The following GREM2 variants were observed in gnomAD, a reference collection of about 807,000 sequenced individuals.
The protein encoded by GREM2 is gremlin-2.
Under a neutral mutation model 14.2 loss-of-function variants are expected in GREM2, and 11 were observed. That is an observed-to-expected ratio of 0.78 (90% CI 0.49 to 1.28). The LOEUF is 1.28. GREM2 is among the 50% of genes most tolerant of loss of function. The probability of loss-of-function intolerance (pLI) is 0.00; values close to 1 mark genes in which losing one functional copy is unlikely to be tolerated. For synonymous variants in GREM2, 98 were observed against 97.6 expected (o/e 1.00, Z -0.02); for missense variants, 210 against 218.5 (o/e 0.96, Z 0.24).
intron 1 of GREM2, among the ~76,000 whole-genome samples, chr1:240,517,789 A>G (rs1664716843): frequency 6.6e-6 from 1 of 152,188 alleles, no homozygotes; most frequent in South Asian, 2.1e-4. Flanking sequence ...AGGCTTGGCT[A>G]TTCCAGAACT....
chr1:240,593,245 C>T (rs771976476), intron 1 of GREM2, among the ~76,000 whole-genome samples: 25 of 152,300 alleles, frequency 1.6e-4, no homozygotes, highest in Middle Eastern at 6.8e-3. Flanking sequence ...TTCTCTTGTG[C>T]TCCCCATGCA....
intron 1 of GREM2, among the ~76,000 whole-genome samples, chr1:240,572,022 C>T (rs1430409968): frequency 6.6e-6 from 1 of 152,140 alleles, no homozygotes; most frequent in Admixed American, 6.5e-5. Context: ...TTTGATTACA[C>T]CCACAGGGCC....
At chr1:240,548,547 T>C (rs946192872) in intron 1 of GREM2, among the ~76,000 whole-genome samples, 18 of 152,328 alleles carry the variant, frequency 1.2e-4, no homozygotes, top group African/African-American at 3.8e-4. Context: ...TTTTCAATTA[T>C]ATCTATAAAG....
intron 1 of GREM2, among the ~76,000 whole-genome samples, chr1:240,604,111 G>A (rs1475698084): frequency 2.6e-5 from 4 of 151,764 alleles, no homozygotes; most frequent in Admixed American, 2.6e-4. Flanking sequence ...TAAAGAACGA[G>A]CTTTCAAGTG....
chr1:240,518,885 G>T (rs996128271), intron 1 of GREM2, among the ~76,000 whole-genome samples: 2 of 152,170 alleles, frequency 1.3e-5, no homozygotes, highest in African/African-American at 4.8e-5. Flanking sequence ...TGTTTATGTT[G>T]CTTGATGAAT....
At position 240,492,304 on chromosome 1, in the gene GREM2, G is replaced by A; in HGVS notation, c.*665C>T. 1.7e-5 allele frequency: 7 copies of A among 423,194 alleles called. No individual in the cohort carries two copies. Among genetic ancestry groups the A allele is most frequent in the South Asian group, 1.0e-4 (6 of 60,300 alleles). The allele number at this position is 423,194 out of a possible 1,614,324, so 26.2% of individuals were successfully genotyped here. On this transcript the variant is annotated 3_prime_UTR_variant, in exon 2 of 2. Coordinates refer to ENST00000318160, the MANE Select transcript of GREM2 (RefSeq NM_022469.4). The stretch of plus-strand genomic sequence containing the variant: ...GAGGCGGTGGGGACTTGAGGATGGG[G>A]GATTGTGTAGCCTGCTCTGCTCGAG...
chr1:240,527,886 TA>T (rs1463853362), intron 1 of GREM2, among the ~76,000 whole-genome samples: 1 of 152,104 alleles, frequency 6.6e-6, no homozygotes, highest in African/African-American at 2.4e-5. Flanking sequence ...AACAAACAAA[TA>T]AAAAATGTAA....
intron 1 of GREM2, among the ~76,000 whole-genome samples, chr1:240,603,890 C>T (rs934760660): frequency 6.6e-6 from 1 of 151,126 alleles, no homozygotes; most frequent in Non-Finnish European, 1.5e-5. Flanking sequence ...CATGGAATAT[C>T]CAAGGAGGCT....
At chr1:240,534,775 G>C (rs1678438593) in intron 1 of GREM2, among the ~76,000 whole-genome samples, 2 of 152,108 alleles carry the variant, frequency 1.3e-5, no homozygotes, top group South Asian at 4.1e-4. Context: ...GACTAGTTAG[G>C]AGGCTACTGC....
At chr1:240,497,651 G>T (rs12137200) in intron 1 of GREM2, among the ~76,000 whole-genome samples, 43,089 of 140,796 alleles carry the variant, frequency 0.31, 7,687 homozygotes, top group East Asian at 0.46. Context: ...GAAAAAAAAA[G>T]TTTTTTTTTT....
At chr1:240,599,098 A>G (rs575332484) in intron 1 of GREM2, among the ~76,000 whole-genome samples, 1 of 152,030 alleles carries the variant, frequency 6.6e-6, no homozygotes, top group African/African-American at 2.4e-5. Context: ...GCGAAACCCG[A>G]TATCTACTAA....
intron 1 of GREM2, among the ~76,000 whole-genome samples, chr1:240,584,510 A>T (rs1035793528): frequency 6.6e-6 from 1 of 151,126 alleles, no homozygotes; most frequent in African/African-American, 2.4e-5. Context: ...AAAAAAAAAA[A>T]AAGAAGAATG....
intron 1 of GREM2, among the ~76,000 whole-genome samples, chr1:240,514,968 A>C (rs972637995): frequency 1.1e-4 from 17 of 152,068 alleles, no homozygotes; most frequent in South Asian, 2.1e-4. Context: ...ACAAACACAA[A>C]AAAAAAACTG....
intron 1 of GREM2, among the ~76,000 whole-genome samples, chr1:240,564,600 A>G (rs1308603964): frequency 6.6e-6 from 1 of 152,132 alleles, no homozygotes; most frequent in African/African-American, 2.4e-5. Context: ...CTGTACTTCC[A>G]TGAAGTCTCC....
intron 1 of GREM2, among the ~76,000 whole-genome samples, chr1:240,549,694 C>T (rs930436502): frequency 3.3e-5 from 5 of 152,084 alleles, no homozygotes; most frequent in African/African-American, 1.2e-4. Context: ...CCTGAAGCTA[C>T]GGTGATGTGC....
rs1466540101 is a variant in GREM2, at chr1:240,612,020, C to T, written c.-138G>A. 1 of 152,860 alleles carries T rather than the reference C, an allele frequency of 6.5e-6. No individual in the cohort carries two copies. Among genetic ancestry groups the T allele is most frequent in the Non-Finnish European group, 1.5e-5 (1 of 68,214 alleles). 9.5% of individuals were successfully genotyped at this position (152,860 alleles called of 1,614,324 possible). A position where few individuals can be genotyped will look rare whatever the true frequency, so the allele number is the denominator to read the frequency against. On this transcript the variant is annotated 5_prime_UTR_variant, in exon 1 of 2. Coordinates refer to ENST00000318160, the MANE Select transcript of GREM2 (RefSeq NM_022469.4). ...CCCGCCGCCGCTTTCAGTTCGACCGCAGCCAGACTGCAGCAGACGCCCATA... is the reference window on the plus strand; with the variant it reads ...CCCGCCGCCGCTTTCAGTTCGACCGTAGCCAGACTGCAGCAGACGCCCATA...
intron 1 of GREM2, among the ~76,000 whole-genome samples, chr1:240,574,832 C>A (rs924894733): frequency 1.3e-5 from 2 of 151,886 alleles, no homozygotes; most frequent in African/African-American, 4.8e-5. Flanking sequence ...GATCTTGGGC[C>A]GGGAGTGGTG....
intron 1 of GREM2, among the ~76,000 whole-genome samples, chr1:240,585,686 T>C (rs1400202114): frequency 7.5e-6 from 1 of 132,842 alleles, no homozygotes; most frequent in Non-Finnish European, 1.5e-5. Context: ...GCCGAGGTCA[T>C]GCCACTGTAT....
At chr1:240,571,033 T>C (rs1335472447) in intron 1 of GREM2, among the ~76,000 whole-genome samples, 1 of 152,192 alleles carries the variant, frequency 6.6e-6, no homozygotes, top group Non-Finnish European at 1.5e-5. Context: ...TTTAAAATGA[T>C]CTTTGATAGG....
Sources: gnomAD v4.1 joint callset for allele counts (sites outside exome capture counted in the v4.1 genomes callset) on GRCh38, gnomAD v4.1.1 for gene constraint, MANE v1.5 for transcripts, NCBI Gene and HGNC (gene_info 2026-07-23, HGNC 2026-07-21) for gene names.